The following PXN variants were observed in gnomAD, a reference collection of about 807,000 sequenced individuals.
PXN encodes the protein paxillin, also known as testicular tissue protein Li 134.
A neutral mutation model predicts 103.6 loss-of-function variants in PXN; 61 were observed. The observed-to-expected ratio is 0.59, with a 90% CI of 0.48 to 0.73. The LOEUF is 0.73. Among genes scored for constraint, PXN ranks in the 30% least tolerant of loss-of-function variants. The probability of loss-of-function intolerance (pLI) is 0.00; values close to 1 mark genes in which losing one functional copy is unlikely to be tolerated. For synonymous variants in PXN, 562 were observed against 607.8 expected, an observed-to-expected ratio of 0.92 and a Z score of 1.11; for missense variants, 1,274 against 1,460.3, an observed-to-expected ratio of 0.87 and a Z score of 2.08.
chr12:120,222,972 C>G lies in PXN; in HGVS notation c.384G>C (p.Glu128Asp). 1.2e-6 allele frequency: 2 copies of G among 1,613,922 alleles called. No homozygotes were observed. Among genetic ancestry groups the G allele is most frequent in the Non-Finnish European group, 1.7e-6 (2 of 1,179,884 alleles). Reference sequence around the variant, plus strand: ...ACGTGCTCATTACGGTGGGTGAAGGCTCAGCTGATTTCTGCTTGTTGGGGA... The same window carrying G: ...ACGTGCTCATTACGGTGGGTGAAGGGTCAGCTGATTTCTGCTTGTTGGGGA... Reference protein sequence around the residue: ...YSFPNKQKSAEPSPTVMSTSL... With the variant: ...YSFPNKQKSADPSPTVMSTSL... Residue 128 changes from glutamate to aspartate, a missense_variant, in exon 4 of 15, where the codon GAG (glutamate) becomes GAC (aspartate). Glu to Asp is a conservative substitution (Grantham distance 45). Coordinates refer to ENST00000637617, the MANE Select transcript of PXN (RefSeq NM_001385981.1). The surrounding 1 kb of genome is among the most constrained non-coding windows in gnomAD (Gnocchi z 4.7).
At position 120,221,962 on chromosome 12, in the gene PXN, CCT is replaced by C. The variant is rs965492362; in HGVS notation, c.696-206_696-205del. 6.6e-6 allele frequency among the ~76,000 whole-genome samples: 1 copy of C among 152,176 alleles called. No individual in the cohort carries two copies. The highest frequency in any genetic ancestry group is 2.4e-5 in the African/African-American group (1 of 41,442). Reference sequence around the variant, plus strand: ...GGCACCAGGAAGTGCCAGGAAGACTCCTCTAGCCCCCAGCCCAAGTGAAAGCT... The same window carrying C: ...GGCACCAGGAAGTGCCAGGAAGACTCCTAGCCCCCAGCCCAAGTGAAAGCT... On this transcript the variant is annotated intron_variant, in intron 5 of 14. Transcript: ENST00000637617. This position sits in a 1 kb window ranked among gnomAD's most constrained non-coding sequence, Gnocchi z 6.6.
Position 120,222,803 on chromosome 12 carries a change from T to C in PXN, c.494-53A>G, listed in dbSNP as rs1289542263. On this transcript the variant is annotated intron_variant, in intron 4 of 14. Coordinates refer to ENST00000637617, the MANE Select transcript of PXN (RefSeq NM_001385981.1). This position sits in a 1 kb window ranked among gnomAD's most constrained non-coding sequence, Gnocchi z 4.7. ...TCAGCCCTTGAGCCCTCCTGGGATCTAGAGGTCAGCAGATGGGCCCTGGGC... is the reference window on the plus strand; with the variant it reads ...TCAGCCCTTGAGCCCTCCTGGGATCCAGAGGTCAGCAGATGGGCCCTGGGC... 6.2e-7 allele frequency: 1 copy of C among 1,604,002 alleles called. No individual in the cohort carries two copies. Among genetic ancestry groups the C allele is most frequent in the Admixed American group, 1.7e-5 (1 of 57,748 alleles).
At chr12:120,249,262 G>A (rs1459162867) in intron 1 of PXN, among the ~76,000 whole-genome samples, 1 of 151,728 alleles carries the variant, frequency 6.6e-6, no homozygotes, top group African/African-American at 2.4e-5. Context: ...GAAGATGACG[G>A]CCACAAACTC....
At position 120,213,445 on chromosome 12, in the gene PXN, T is replaced by C. The variant is rs1352375976; in HGVS notation, c.2979+397A>G. ...AGGGAACAGTGTTTCCCAAACTCAT[T>C]TGGTCAGAGAGCCCTTGTTGAATCA... On this transcript the variant is annotated intron_variant, in intron 14 of 14. Transcript: ENST00000637617. This position sits in a 1 kb window ranked among gnomAD's most constrained non-coding sequence, Gnocchi z 4.2. Among the ~76,000 whole-genome samples, 2 of 152,226 alleles carry C rather than the reference T, an allele frequency of 1.3e-5. No homozygotes were observed. Among genetic ancestry groups the C allele is most frequent in the Non-Finnish European group, 2.9e-5 (2 of 68,044 alleles).
In PXN at chr12:120,224,591, A is replaced by C. The variant is rs1009719159; in HGVS notation, c.14-214T>G. On this transcript the variant is annotated intron_variant, in intron 1 of 14. Transcript: ENST00000637617. This position sits in a 1 kb window ranked among gnomAD's most constrained non-coding sequence, Gnocchi z 5.0. ...AGCTAACTTCTTCTGGCCACCCAGG[A>C]CTGAAAGTGCTCTAGAGGCGGGCTC... 1.0e-5 allele frequency: 7 copies of C among 697,148 alleles called. No individual in the cohort carries two copies. The highest frequency in any genetic ancestry group is 1.8e-5 in the Non-Finnish European group (7 of 381,750). 43.2% of individuals were successfully genotyped at this position (697,148 alleles called of 1,614,324 possible). A position where few individuals can be genotyped will look rare whatever the true frequency, so the allele number is the denominator to read the frequency against.
rs1194446353 is a variant in PXN, at chr12:120,224,426, C to T, written c.14-49G>A. The stretch of plus-strand genomic sequence containing the variant: ...CAGGTGAGAACCGGGATCCTGGGGA[C>T]TCTCCCGTGGCAGGGCCCTCCCTGC... On this transcript the variant is annotated intron_variant, in intron 1 of 14. Transcript: ENST00000637617. This position sits in a 1 kb window ranked among gnomAD's most constrained non-coding sequence, Gnocchi z 5.0. 3 of 1,417,596 alleles carry T rather than the reference C, an allele frequency of 2.1e-6. No individual in the cohort carries two copies. Among genetic ancestry groups the T allele is most frequent in the South Asian group, 1.1e-5 (1 of 87,272 alleles). The allele number at this position is 1,417,596 out of a possible 1,614,324, so 87.8% of individuals were successfully genotyped here.
chr12:120,262,469 C>T (rs1476745442), intron 1 of PXN, among the ~76,000 whole-genome samples: 1 of 152,172 alleles, frequency 6.6e-6, no homozygotes, highest in African/African-American at 2.4e-5. Context: ...TTAAGATAAC[C>T]GGATCTGGAA....
At chr12:120,247,571 GA>G in intron 1 of PXN, 2 of 164,604 alleles carry the variant, frequency 1.2e-5, no homozygotes, top group Non-Finnish European at 1.4e-5. Context: ...AGGTGCAAAG[GA>G]AAAGAATCTC....
At chr12:120,244,120 C>T (rs982566095) in intron 1 of PXN, among the ~76,000 whole-genome samples, 20 of 150,268 alleles carry the variant, frequency 1.3e-4, no homozygotes, top group Non-Finnish European at 2.7e-4. Flanking sequence ...GAGCACAGGG[C>T]CCAAGTTGTT....
chr12:120,250,234 C>T, intron 1 of PXN: 1 of 973,198 alleles, frequency 1.0e-6, no homozygotes, highest in Non-Finnish European at 1.2e-6. Flanking sequence ...AGGAATGTTC[C>T]TGGAAACAGA....
chr12:120,243,104 G>A (rs536487444), intron 1 of PXN, among the ~76,000 whole-genome samples: 3 of 152,228 alleles, frequency 2.0e-5, no homozygotes, highest in Non-Finnish European at 4.4e-5. Flanking sequence ...AAACACACAT[G>A]CTTGCACACA....
chr12:120,225,639 C>T lies in PXN; in HGVS notation c.14-1262G>A, dbSNP rs974869660. Among the ~76,000 whole-genome samples, 5 of 152,144 alleles carry T rather than the reference C, an allele frequency of 3.3e-5. No individual in the cohort carries two copies. Among genetic ancestry groups the T allele is most frequent in the Non-Finnish European group, 7.3e-5 (5 of 68,030 alleles). On this transcript the variant is annotated intron_variant, in intron 1 of 14. Coordinates refer to ENST00000637617, the MANE Select transcript of PXN (RefSeq NM_001385981.1). The surrounding 1 kb of genome is among the most constrained non-coding windows in gnomAD (Gnocchi z 4.4). ...CACAATTGTCTGACTCCTCAGAAGCCCCAAACCCCAAAAACCTGGCCTGTA... is the reference window on the plus strand; with the variant it reads ...CACAATTGTCTGACTCCTCAGAAGCTCCAAACCCCAAAAACCTGGCCTGTA...
At chr12:120,230,145 GCTTC>G (rs1172573187) in intron 1 of PXN, among the ~76,000 whole-genome samples, 15 of 152,224 alleles carry the variant, frequency 9.9e-5, no homozygotes, top group Admixed American at 9.8e-4. Flanking sequence ...GGCCAGTGCA[GCTTC>G]CTTAGGAGCT....
intron 1 of PXN, among the ~76,000 whole-genome samples, chr12:120,241,504 C>T (rs915959695): frequency 6.6e-5 from 10 of 152,232 alleles, no homozygotes; most frequent in Non-Finnish European, 1.3e-4. Context: ...GCTCCAATCG[C>T]GTTCACAAAC....
chr12:120,250,249 G>T, intron 1 of PXN: 5 of 948,708 alleles, frequency 5.3e-6, no homozygotes, highest in Non-Finnish European at 6.3e-6. Flanking sequence ...AACAGAGGGG[G>T]CAAAGCTCGG....
Position 120,217,080 on chromosome 12 carries a change from G to C in PXN, c.1753C>G (p.His585Asp), listed in dbSNP as rs1883353068. 3 of 1,591,560 alleles carry C rather than the reference G, an allele frequency of 1.9e-6. No individual in the cohort carries two copies. Among genetic ancestry groups the C allele is most frequent in the Middle Eastern group, 1.7e-4 (1 of 6,048 alleles). ...GGCTCCCGGGACATGGGGTGTGCGT[G>C]GCCAGACTCCCAGCTCCTCCTGATC... The part of the protein sequence containing the change: ...SVIRRSWESG[H>D]AHPMSREPSP... Residue 585 changes from histidine (H) to aspartate (D), a missense_variant, in exon 8 of 15, where the codon CAC (histidine) becomes GAC (aspartate). This residue lies in a region of PXN where 1,178 missense variants were observed against 1,309.0 expected (regional missense o/e 0.90). Coordinates refer to ENST00000637617, the MANE Select transcript of PXN (RefSeq NM_001385981.1). This position sits in a 1 kb window ranked among gnomAD's most constrained non-coding sequence, Gnocchi z 4.1.
intron 1 of PXN, among the ~76,000 whole-genome samples, chr12:120,252,998 CAAAAAAAAAAAA>C (rs1254384939): frequency 6.0e-5 from 3 of 49,812 alleles, no homozygotes; most frequent in Non-Finnish European, 1.3e-4. Flanking sequence ...GACTCTGTCT[CAAAAAAAAAAAA>C]AAAAAAAAAA....
Position 120,221,581 on chromosome 12 carries a change from G to A in PXN, c.831+42C>T, listed in dbSNP as rs745853273. 6.5e-6 allele frequency: 10 copies of A among 1,535,304 alleles called. No homozygotes were observed. The African/African-American group carries it at 1.4e-4, about 21-fold the overall frequency. On this transcript the variant is annotated intron_variant, in intron 6 of 14. Coordinates refer to ENST00000637617, the MANE Select transcript of PXN (RefSeq NM_001385981.1). The surrounding 1 kb of genome is among the most constrained non-coding windows in gnomAD (Gnocchi z 6.6). ...GAGGTAAGGGAGGAGAAGGATGAGG[G>A]AGGGGCGGCAGGGCAGGGAAGATGG...
Position 120,217,996 on chromosome 12 carries a change from T to C in PXN, c.1717-880A>G, listed in dbSNP as rs543367236. On this transcript the variant is annotated intron_variant, in intron 7 of 14. Coordinates refer to ENST00000637617, the MANE Select transcript of PXN (RefSeq NM_001385981.1). This position sits in a 1 kb window ranked among gnomAD's most constrained non-coding sequence, Gnocchi z 4.1. Reference sequence around the variant, plus strand: ...ACTTGTTGGTAGTGTTTTGGGGGTTTTTGGTTGTTTCGTTTTGTTTTCCAA... The same window carrying C: ...ACTTGTTGGTAGTGTTTTGGGGGTTCTTGGTTGTTTCGTTTTGTTTTCCAA... 3.2e-4 allele frequency among the ~76,000 whole-genome samples: 48 copies of C among 151,776 alleles called. No individual in the cohort carries two copies. The highest frequency in any genetic ancestry group is 6.3e-4 in the Non-Finnish European group (43 of 67,982).
Sources: allele counts gnomAD v4.1 joint callset (sites outside exome capture counted in the v4.1 genomes callset), GRCh38; gene constraint gnomAD v4.1.1; regional missense constraint gnomAD v4.1.1; non-coding constraint Gnocchi (gnomAD v3.1); transcripts MANE v1.5; gene names NCBI Gene and HGNC (gene_info 2026-07-23, HGNC 2026-07-21).